Variants in NBAS observed in about 807,000 individuals in gnomAD.
The protein encoded by NBAS is NBAS subunit of NRZ tethering complex.
A neutral mutation model predicts 302.5 loss-of-function variants in NBAS; 219 were observed. The ratio of observed to expected loss-of-function variants is 0.72; its 90% CI spans 0.65 to 0.81. The LOEUF (loss-of-function observed/expected upper bound fraction) is 0.81. Ranked by LOEUF, NBAS falls within the 30% of genes least tolerant of loss-of-function variation. The pLI is 0.00. For synonymous variants in NBAS, 1,118 were observed against 1,021.6 expected, an observed-to-expected ratio of 1.09 and a Z score of -1.80; for missense variants, 2,932 against 2,841.6, an observed-to-expected ratio of 1.03 and a Z score of -0.72.
Position 15,167,378 on chromosome 2 carries a change from C to T in NBAS, c.6841-55G>A. On this transcript the variant is annotated intron_variant, in intron 51 of 51. Coordinates refer to ENST00000281513, the MANE Select transcript of NBAS (RefSeq NM_015909.4). ...GGGGGTGTTTGCTTTGTTCGCCTCC[C>T]CCTTGGATCCCTCGCTCTCCACTGG... The T allele has an allele frequency of 2.5e-6, 4 of 1,595,158 alleles. No individual in the cohort carries two copies. The Admixed American group carries it at 6.8e-5, about 27-fold the overall frequency.
intron 47 of NBAS, among the ~76,000 whole-genome samples, chr2:15,228,410 G>A (rs1000801733): frequency 1.3e-5 from 2 of 152,202 alleles, no homozygotes; most frequent in Non-Finnish European, 2.9e-5. Context: ...ATTAGTCGCT[G>A]TTAGGGAAAA....
At chr2:14,803,496 A>G in the NBAS span, among the ~76,000 whole-genome samples, 1 of 152,160 alleles carries the variant, frequency 6.6e-6, no homozygotes, top group African/African-American at 2.4e-5. Flanking sequence ...TCTGTACTGC[A>G]TTTTGGAAAC....
chr2:15,336,729 A>AG (rs969108901), intron 35 of NBAS, among the ~76,000 whole-genome samples: 3 of 151,158 alleles, frequency 2.0e-5, no homozygotes, highest in African/African-American at 7.4e-5. Context: ...GACTCCATAT[A>AG]GGAAAAAAAA....
chr2:14,884,720 G>A, the NBAS span, among the ~76,000 whole-genome samples: 12 of 152,256 alleles, frequency 7.9e-5, no homozygotes, highest in Non-Finnish European at 1.2e-4. Context: ...CATACAGTAC[G>A]AAAACAAATA....
chr2:15,458,336 T>C (rs2148554032), intron 21 of NBAS, among the ~76,000 whole-genome samples: 1 of 152,276 alleles, frequency 6.6e-6, no homozygotes, highest in South Asian at 2.1e-4. Flanking sequence ...TTTAGATGTT[T>C]TTTCCCACCA....
chr2:15,557,770 T>G (rs1450871107), intron 2 of NBAS, among the ~76,000 whole-genome samples: 1 of 151,866 alleles, frequency 6.6e-6, no homozygotes, highest in African/African-American at 2.4e-5. Context: ...CATAAAGGAG[T>G]AACGGCACCT....
the NBAS span, among the ~76,000 whole-genome samples, chr2:15,097,939 ATAT>A: frequency 9.4e-5 from 11 of 116,892 alleles, no homozygotes; most frequent in African/African-American, 3.2e-4. Flanking sequence ...TATTACATAT[ATAT>A]TATATTGTAT....
At chr2:15,323,367 T>G (rs2148209140) in intron 38 of NBAS, among the ~76,000 whole-genome samples, 2 of 152,244 alleles carry the variant, frequency 1.3e-5, no homozygotes, top group Middle Eastern at 3.4e-3. Flanking sequence ...GAGCCTTAAG[T>G]TGAAGAGACC....
chr2:14,805,061 C>T, the NBAS span, among the ~76,000 whole-genome samples: 1 of 152,164 alleles, frequency 6.6e-6, no homozygotes, highest in Non-Finnish European at 1.5e-5. Flanking sequence ...AGGCCTTGTG[C>T]TCAGATTTGA....
intron 44 of NBAS, among the ~76,000 whole-genome samples, chr2:15,243,905 G>A (rs1558468939): frequency 6.6e-6 from 1 of 152,146 alleles, no homozygotes; most frequent in Non-Finnish European, 1.5e-5. Flanking sequence ...TATAACAAAT[G>A]CCAAGTAAAA....
At chr2:14,793,232 G>GT in the NBAS span, among the ~76,000 whole-genome samples, 1 of 152,082 alleles carries the variant, frequency 6.6e-6, no homozygotes, top group Non-Finnish European at 1.5e-5. Flanking sequence ...AATTTTTGTA[G>GT]TTTAAACCAC....
At chr2:15,089,478 C>T in the NBAS span, among the ~76,000 whole-genome samples, 21 of 152,208 alleles carry the variant, frequency 1.4e-4, no homozygotes, top group African/African-American at 4.8e-4. Flanking sequence ...AAAACTTGCC[C>T]AGACTGGTGT....
At chr2:14,970,266 C>G in the NBAS span, among the ~76,000 whole-genome samples, 1 of 152,102 alleles carries the variant, frequency 6.6e-6, no homozygotes, top group African/African-American at 2.4e-5. Context: ...TAAAAAACAA[C>G]TAGAACTTCT....
chr2:15,250,205 A>T (rs1416412044), intron 44 of NBAS, among the ~76,000 whole-genome samples: 2 of 152,174 alleles, frequency 1.3e-5, no homozygotes. Flanking sequence ...AGAAACAAGC[A>T]ATGGGGAAAG....
intron 25 of NBAS, among the ~76,000 whole-genome samples, chr2:15,403,213 G>C (rs1676238413): frequency 6.6e-6 from 1 of 152,150 alleles, no homozygotes; most frequent in African/African-American, 2.4e-5. Context: ...AGATAGGAAA[G>C]TGATGGAGAG....
the NBAS span, among the ~76,000 whole-genome samples, chr2:15,143,481 A>G: frequency 6.6e-6 from 1 of 152,166 alleles, no homozygotes; most frequent in African/African-American, 2.4e-5. Context: ...AAACACAAAC[A>G]ACTTAGAAAC....
At chr2:15,381,758 T>C (rs965826418) in intron 29 of NBAS, among the ~76,000 whole-genome samples, 3 of 152,224 alleles carry the variant, frequency 2.0e-5, no homozygotes, top group Non-Finnish European at 4.4e-5. Flanking sequence ...CAGTTGTATG[T>C]GGTCAGAGAC....
chr2:14,786,774 G>A, the NBAS span, among the ~76,000 whole-genome samples: 13 of 152,112 alleles, frequency 8.5e-5, no homozygotes, highest in Admixed American at 7.9e-4. Context: ...GATGTGGTGT[G>A]GTGCTGAAAA....
At chr2:14,784,972 C>A in the NBAS span, among the ~76,000 whole-genome samples, 2 of 152,032 alleles carry the variant, frequency 1.3e-5, no homozygotes, top group African/African-American at 4.8e-5. Flanking sequence ...TCTTCCATTT[C>A]TTTGTATCCT....
Sources: gnomAD v4.1 joint callset for allele counts (sites outside exome capture counted in the v4.1 genomes callset) on GRCh38, gnomAD v4.1.1 for gene constraint, MANE v1.5 for transcripts, NCBI Gene and HGNC (gene_info 2026-07-23, HGNC 2026-07-21) for gene names.